ZNF700: variants seen among roughly 807,000 people sequenced by gnomAD.
The protein encoded by ZNF700 is zinc finger protein 700.
ZNF700 carries 38 observed loss-of-function variants against 65.3 expected under a neutral mutation model. The ratio of observed to expected loss-of-function variants is 0.58; its 90% confidence interval spans 0.45 to 0.76. The LOEUF is 0.76. Ranked by LOEUF, ZNF700 falls within the 30% of genes least tolerant of loss-of-function variation. ZNF700 has a pLI of 0.00. For synonymous variants in ZNF700, 285 were observed against 290.4 expected (o/e 0.98, Z 0.19); for missense variants, 857 against 888.4 (o/e 0.96, Z 0.45).
At chr19:11,939,366 A>G (rs956300980) in intron 1 of ZNF700, among the ~76,000 whole-genome samples, 1 of 152,134 alleles carries the variant, frequency 6.6e-6, no homozygotes, top group Non-Finnish European at 1.5e-5. Context: ...TAGGTCTAAC[A>G]TTTAAGTCTT....
At chr19:11,944,248 C>T (rs1373520803) in intron 1 of ZNF700, among the ~76,000 whole-genome samples, 2 of 152,138 alleles carry the variant, frequency 1.3e-5, no homozygotes, top group East Asian at 1.9e-4. Flanking sequence ...AGTCCCCATA[C>T]TATGGGAGGA....
At position 11,949,949 on chromosome 19, in the gene ZNF700, A is replaced by T. The variant is rs1251412315; in HGVS notation, c.1925A>T (p.His642Leu). 6.2e-7 allele frequency: 1 copy of T among 1,614,172 alleles called. No homozygotes were observed. Among genetic ancestry groups the T allele is most frequent in the African/African-American group, 1.3e-5 (1 of 75,044 alleles). Residue 642 changes from histidine to leucine, a missense_variant, in exon 4 of 4, where the codon CAC becomes CTC. Transcript: ENST00000254321. The stretch of plus-strand genomic sequence containing the variant: ...AACCTTCAGATGCATGAAAGGACTC[A>T]CACTGGAGAGAAACCCTATGAATGT... ...ASNLQMHERT[H>L]TGEKPYECKE...
chr19:11,928,020 C>G (rs1229137137), intron 1 of ZNF700, among the ~76,000 whole-genome samples: 2 of 150,564 alleles, frequency 1.3e-5, no homozygotes, highest in Admixed American at 6.6e-5. Flanking sequence ...TTTTTTGAGA[C>G]AGTATCTTGC....
chr19:11,948,150 G>A (rs189867208), intron 3 of ZNF700, 126 bp from the exon 4 acceptor site: 42 of 1,143,080 alleles, frequency 3.7e-5, no homozygotes, highest in Non-Finnish European at 4.8e-5. Context: ...ACCTTCAAAC[G>A]ATTCAGACAG....
At chr19:11,947,468 C>A (rs1292357033) in intron 2 of ZNF700, 46 bp from the exon 3 acceptor site, 5 of 1,602,374 alleles carry the variant, frequency 3.1e-6, no homozygotes, top group Non-Finnish European at 4.3e-6. Flanking sequence ...AATTTTTTCA[C>A]AATTTTATAC....
At chr19:11,940,156 C>T (rs1972858336) in intron 1 of ZNF700, 1 of 152,152 alleles carries the variant, frequency 6.6e-6, no homozygotes, top group South Asian at 2.1e-4. Flanking sequence ...GTCTCCAACT[C>T]CAACCTCAGG....
In ZNF700 at chr19:11,931,347, G is replaced by A. The variant is rs771231727; in HGVS notation, c.63+6074G>A. On this transcript the variant is annotated intron_variant, in intron 1 of 3. Coordinates refer to ENST00000254321, the MANE Select transcript of ZNF700 (RefSeq NM_144566.3). Reference sequence around the variant, plus strand: ...TTCACATGACAGAGGAGAGGAAGCCGGCTCTCCTGTGTCTTCTTATAAGAG... The same window carrying A: ...TTCACATGACAGAGGAGAGGAAGCCAGCTCTCCTGTGTCTTCTTATAAGAG... 1.8e-4 allele frequency among the ~76,000 whole-genome samples: 27 copies of A among 148,026 alleles called. 1 individual carries two copies. The Middle Eastern group carries it at 0.017, about 93-fold the overall frequency.
At position 11,949,238 on chromosome 19, in the gene ZNF700, T is replaced by G. The variant is rs762566326; in HGVS notation, c.1214T>G (p.Phe405Cys). Residue 405 changes from phenylalanine to cysteine, a missense_variant, in exon 4 of 4, where the codon TTT (phenylalanine) becomes TGT (cysteine). Transcript: ENST00000254321. ...AAAGCCTTCAATCTTTCCAGTTCCT[T>G]TCGATATCATGAAAGGATTCACACT... is the stretch of plus-strand genomic sequence containing the variant. ...CGKAFNLSSS[F>C]RYHERIHTGE... 4.3e-6 allele frequency: 7 copies of G among 1,613,698 alleles called. No homozygotes were observed. The highest frequency in any genetic ancestry group is 1.3e-5 in the African/African-American group (1 of 74,836).
At chr19:11,926,093 TC>T (rs1972623460) in intron 1 of ZNF700, among the ~76,000 whole-genome samples, 1 of 138,626 alleles carries the variant, frequency 7.2e-6, no homozygotes, top group African/African-American at 2.8e-5. Context: ...AGGAAGGGGG[TC>T]TGTTATCTGC....
chr19:11,946,895 G>A (rs1450986845), intron 1 of ZNF700: 2 of 395,190 alleles, frequency 5.1e-6, no homozygotes, highest in African/African-American at 4.3e-5. Context: ...AGCTACTCGG[G>A]AGGCTGAGGC....
At chr19:11,941,753 A>C (rs1198355628) in intron 1 of ZNF700, among the ~76,000 whole-genome samples, 1 of 152,246 alleles carries the variant, frequency 6.6e-6, no homozygotes, top group Non-Finnish European at 1.5e-5. Context: ...ACAGTGCAGC[A>C]GTGGGCTGAA....
intron 1 of ZNF700, among the ~76,000 whole-genome samples, chr19:11,942,417 G>C (rs746734925): frequency 2.6e-5 from 4 of 152,040 alleles, no homozygotes; most frequent in Non-Finnish European, 5.9e-5. Flanking sequence ...AGTCCAAAGA[G>C]ACATTAGGGA....
intron 1 of ZNF700, among the ~76,000 whole-genome samples, chr19:11,935,922 T>G (rs1014727700): frequency 2.0e-5 from 3 of 152,182 alleles, no homozygotes; most frequent in Admixed American, 6.5e-5. Flanking sequence ...GTGGTCTCAT[T>G]GTTCAGTTCC....
chr19:11,931,674 C>A (rs971509588), intron 1 of ZNF700, among the ~76,000 whole-genome samples: 2 of 147,834 alleles, frequency 1.4e-5, no homozygotes, highest in Non-Finnish European at 3.0e-5. Context: ...AGAGAGGTTA[C>A]ATCATAGTGA....
rs1304556716 is a variant in ZNF700 at position 11,950,273 on chromosome 19, A to G, written c.*20A>G. 9 of 1,594,634 alleles carry G rather than the reference A, an allele frequency of 5.6e-6. 1 individual carries two copies. In the Admixed American group the frequency reaches 9.4e-5, roughly 17 times the overall value. ...AGCTAGCCTGGTTCCTTTTATGGAC[A>G]TGAATAGACTCACACTGGAAGGAAG... On this transcript the variant is annotated 3_prime_UTR_variant, in exon 4 of 4. Coordinates refer to ENST00000254321, the MANE Select transcript of ZNF700 (RefSeq NM_144566.3).
chr19:11,931,669 G>GTGAAATAT (rs1568290540), intron 1 of ZNF700, among the ~76,000 whole-genome samples: 1 of 147,868 alleles, frequency 6.8e-6, no homozygotes, highest in Non-Finnish European at 1.5e-5. Flanking sequence ...ATTTCAGAGA[G>GTGAAATAT]GTTACATCAT....
chr19:11,950,133 C>T lies in ZNF700; in HGVS notation c.2109C>T (p.His703=), dbSNP rs375842578. ...IHARTHIGEK[H]YECKECGKAF... The stretch of plus-strand genomic sequence containing the variant: ...CAAGAACACACATTGGAGAGAAACA[C>T]TATGAATGTAAGGAATGCGGAAAAG... The change falls in exon 4 of 4, where the codon CAC becomes CAT. Residue 703 remains histidine (H), a synonymous_variant. Coordinates refer to ENST00000254321, the MANE Select transcript of ZNF700 (RefSeq NM_144566.3). The T allele has an allele frequency of 5.4e-5, 87 of 1,614,000 alleles. No individual in the cohort carries two copies. Among genetic ancestry groups the T allele is most frequent in the Middle Eastern group, 1.6e-4 (1 of 6,084 alleles).
intron 1 of ZNF700, among the ~76,000 whole-genome samples, chr19:11,936,083 A>C (rs1240667735): frequency 2.0e-5 from 3 of 152,170 alleles, no homozygotes; most frequent in African/African-American, 7.2e-5. Flanking sequence ...TATATATGCC[A>C]CATTTTCTTA....
intron 1 of ZNF700, chr19:11,926,716 C>CGTTTAGTTTAGTTTAGTTTAGTTT (rs1972634463): frequency 6.5e-6 from 1 of 154,206 alleles, no homozygotes; most frequent in African/African-American, 2.4e-5. Context: ...TTTAGTTTAC[C>CGTTTAGTTTAGTTTAGTTTAGTTT]AGTTTAGGGG....
Sources: allele counts gnomAD v4.1 joint callset (sites outside exome capture counted in the v4.1 genomes callset), GRCh38; gene constraint gnomAD v4.1.1; transcripts MANE v1.5; gene names NCBI Gene and HGNC (gene_info 2026-07-23, HGNC 2026-07-21).